LZTS1: variants seen among roughly 807,000 people sequenced by gnomAD.
The protein encoded by LZTS1 is leucine zipper tumor suppressor 1.
In LZTS1, 31 loss-of-function variants were observed where a neutral mutation model predicts 45.8. That is an observed-to-expected ratio of 0.68 (90% CI 0.51 to 0.91). The LOEUF is 0.91. LZTS1 is among the 40% of genes least tolerant of loss of function. LZTS1 has a pLI of 0.00. For missense variants in LZTS1, 821 were observed against 788.9 expected, an observed-to-expected ratio of 1.04 and a Z score of -0.49; for synonymous variants, 359 against 357.3, an observed-to-expected ratio of 1.00 and a Z score of -0.05.
chr8:20,278,245 C>T (rs991939154), intron 1 of LZTS1, among the ~76,000 whole-genome samples: 2 of 152,240 alleles, frequency 1.3e-5, no homozygotes, highest in African/African-American at 4.8e-5. Context: ...CACTAAGAGG[C>T]AAAATGGTAT....
chr8:20,270,533 G>C lies in LZTS1; in HGVS notation c.-134-15218C>G, dbSNP rs538741600. 5.3e-5 allele frequency among the ~76,000 whole-genome samples: 8 copies of C among 152,304 alleles called. No individual in the cohort carries two copies. The East Asian group carries it at 1.5e-3, about 29-fold the overall frequency. On this transcript the variant is annotated intron_variant, in intron 1 of 3. Coordinates refer to ENST00000381569, the MANE Select transcript of LZTS1 (RefSeq NM_021020.5). ...GGGCAAGAGTATGGCGAAGGACAGA[G>C]GTGGCAAGACAGAGTAGAAAGAAGC...
intron 1 of LZTS1, among the ~76,000 whole-genome samples, chr8:20,268,038 C>T (rs970006154): frequency 1.3e-5 from 2 of 152,172 alleles, no homozygotes; most frequent in African/African-American, 4.8e-5. Context: ...GAGGACAGTA[C>T]ACATGGGATG....
chr8:20,301,485 T>G (rs1801076007), intron 1 of LZTS1, among the ~76,000 whole-genome samples: 1 of 152,212 alleles, frequency 6.6e-6, no homozygotes, highest in Admixed American at 6.5e-5. Flanking sequence ...CCCATAGGTC[T>G]GTCATCATTA....
intron 1 of LZTS1, among the ~76,000 whole-genome samples, chr8:20,292,754 C>T (rs1211959923): frequency 6.6e-6 from 1 of 152,148 alleles, no homozygotes; most frequent in Admixed American, 6.5e-5. Context: ...CTGATGAATT[C>T]TGCTGGCTCT....
chr8:20,285,996 C>G (rs1001340364), intron 1 of LZTS1, among the ~76,000 whole-genome samples: 1 of 152,152 alleles, frequency 6.6e-6, no homozygotes, highest in Admixed American at 6.5e-5. Flanking sequence ...CTACCACACA[C>G]GAATATTTCC....
chr8:20,283,241 A>T (rs74430681), intron 1 of LZTS1, among the ~76,000 whole-genome samples: 16,418 of 152,180 alleles, frequency 0.11, 934 homozygotes, highest in Admixed American at 0.14. Context: ...AAACTTAGTG[A>T]CCAATGTGAC....
intron 1 of LZTS1, among the ~76,000 whole-genome samples, chr8:20,271,509 G>A (rs923473220): frequency 1.2e-4 from 19 of 152,158 alleles, no homozygotes; most frequent in African/African-American, 4.3e-4. Flanking sequence ...TGCTTAAAGA[G>A]GCTCCGAAGA....
At chr8:20,303,443 G>A (rs1801115983) in intron 1 of LZTS1, among the ~76,000 whole-genome samples, 1 of 152,164 alleles carries the variant, frequency 6.6e-6, no homozygotes, top group Admixed American at 6.5e-5. Flanking sequence ...GATCAGCATC[G>A]GTGCTGGGAA....
At chr8:20,276,962 G>C (rs1800597381) in intron 1 of LZTS1, among the ~76,000 whole-genome samples, 1 of 152,200 alleles carries the variant, frequency 6.6e-6, no homozygotes, top group Non-Finnish European at 1.5e-5. Flanking sequence ...ATTTGAACCA[G>C]AGCAACTCCA....
chr8:20,272,047 T>C (rs1486018801), intron 1 of LZTS1, among the ~76,000 whole-genome samples: 1 of 152,218 alleles, frequency 6.6e-6, no homozygotes, highest in African/African-American at 2.4e-5. Flanking sequence ...TATTGAACAT[T>C]TATTGTGCAC....
At position 20,255,075 on chromosome 8, in the gene LZTS1, C is replaced by T. The variant is rs1416863808; in HGVS notation, c.107G>A (p.Arg36Gln). Residue 36 changes from arginine to glutamine, a missense_variant, in exon 2 of 4, where the codon CGG (arginine) becomes CAG (glutamine). Transcript: ENST00000381569. ...RKSSHLKKLN[R>Q]YSDGLLRFGF... is the part of the protein sequence containing the mutation. ...AAACCTCAGCAGCCCGTCGGAATAC[C>T]GGTTGAGCTTCTTGAGGTGGGAGGA... 1.2e-5 allele frequency: 19 copies of T among 1,614,084 alleles called. No individual in the cohort carries two copies. Among genetic ancestry groups the T allele is most frequent in the Middle Eastern group, 1.6e-4 (1 of 6,084 alleles).
At position 20,253,023 on chromosome 8, in the gene LZTS1, C is replaced by A. The variant is rs1799978857; in HGVS notation, c.908G>T (p.Arg303Met). Residue 303 changes from arginine (R) to methionine (M), a missense_variant, in exon 3 of 4, where the codon AGG (arginine) becomes ATG (methionine). Arg to Met is a moderately conservative substitution (Grantham distance 91). Transcript: ENST00000381569. ...LAYEERPRRCRDELEGPEPKG... is the reference protein window; with the variant it reads ...LAYEERPRRCMDELEGPEPKG... ...GGGCTCCGGGCCCTCCAGCTCGTCCCTGCAGCGCCGCGGCCGCTCCTCGTA... is the reference window on the plus strand; with the variant it reads ...GGGCTCCGGGCCCTCCAGCTCGTCCATGCAGCGCCGCGGCCGCTCCTCGTA... 1.2e-6 allele frequency: 2 copies of A among 1,601,246 alleles called. No individual in the cohort carries two copies. Among genetic ancestry groups the A allele is most frequent in the South Asian group, 2.2e-5 (2 of 90,750 alleles).
At chr8:20,284,599 C>T (rs902232362) in intron 1 of LZTS1, among the ~76,000 whole-genome samples, 3 of 152,034 alleles carry the variant, frequency 2.0e-5, no homozygotes, top group Non-Finnish European at 4.4e-5. Flanking sequence ...TTTACGTGTA[C>T]ATTGTCCGTG....
At chr8:20,256,156 C>G (rs1042331859) in intron 1 of LZTS1, among the ~76,000 whole-genome samples, 1 of 151,640 alleles carries the variant, frequency 6.6e-6, no homozygotes, top group Non-Finnish European at 1.5e-5. Context: ...AGAAGAAACC[C>G]CAAGTATAAA....
chr8:20,253,508 G>T lies in LZTS1; in HGVS notation c.423C>A (p.Ser141=). ...GCAGCTGGTGGCTGGCACTCTCCGG[G>T]GAGGAGTGCAGGATGGCTCCTGACC... ...LPRSGAILHS[S]PESASHQLHP... is the part of the protein sequence containing the mutation. The change falls in exon 3 of 4, where the codon TCC becomes TCA. Residue 141 remains serine (S), a synonymous_variant. Coordinates refer to ENST00000381569, the MANE Select transcript of LZTS1 (RefSeq NM_021020.5). The T allele has an allele frequency of 6.4e-7, 1 of 1,573,738 alleles. No homozygotes were observed.
intron 1 of LZTS1, among the ~76,000 whole-genome samples, chr8:20,301,777 AC>A (rs1801083324): frequency 6.6e-6 from 1 of 151,914 alleles, no homozygotes; most frequent in East Asian, 1.9e-4. Flanking sequence ...CTATGACAGC[AC>A]CCCTGCCCCA....
At chr8:20,254,697 G>A (rs1016980939) in intron 2 of LZTS1, 140 bp downstream of exon 2, 4 of 682,462 alleles carry the variant, frequency 5.9e-6, no homozygotes, top group Admixed American at 2.9e-5. Flanking sequence ...ACAGGCTTCC[G>A]CCGGCACCCC....
intron 1 of LZTS1, among the ~76,000 whole-genome samples, chr8:20,301,061 C>T (rs1048102175): frequency 2.8e-5 from 4 of 140,498 alleles, no homozygotes; most frequent in South Asian, 4.7e-4. Context: ...GTGGAGGTTG[C>T]GGTGAGCCAA....
intron 1 of LZTS1, among the ~76,000 whole-genome samples, chr8:20,257,751 C>G (rs913584134): frequency 6.6e-6 from 1 of 151,194 alleles, no homozygotes; most frequent in African/African-American, 2.4e-5. Context: ...CTCACTGCAA[C>G]CTCCACCTCG....
Sources: gnomAD v4.1 joint callset for allele counts (sites outside exome capture counted in the v4.1 genomes callset) on GRCh38, gnomAD v4.1.1 for gene constraint, MANE v1.5 for transcripts, NCBI Gene and HGNC (gene_info 2026-07-23, HGNC 2026-07-21) for gene names.